Variants in MPHOSPH9 observed in about 807,000 individuals in gnomAD.
The protein encoded by MPHOSPH9 is M-phase phosphoprotein 9.
A neutral mutation model predicts 145.5 loss-of-function variants in MPHOSPH9; 88 were observed. The ratio of observed to expected loss-of-function variants is 0.60; its 90% CI spans 0.51 to 0.72. The LOEUF (loss-of-function observed/expected upper bound fraction) is 0.72, where lower values mean the gene tolerates loss of function less well. Ranked by LOEUF, MPHOSPH9 falls within the 30% of genes least tolerant of loss-of-function variation. The probability of loss-of-function intolerance (pLI) is 0.00; values close to 1 mark genes in which losing one functional copy is unlikely to be tolerated. For synonymous variants in MPHOSPH9, 435 were observed against 486.2 expected (o/e 0.89, Z 1.39); for missense variants, 1,238 against 1,386.6 (o/e 0.89, Z 1.70).
intron 20 of MPHOSPH9, 39 bp downstream of exon 20, chr12:123,162,974 TA>T (rs2044169903): frequency 6.6e-7 from 1 of 1,509,002 alleles, no homozygotes; most frequent in African/African-American, 1.4e-5. Flanking sequence ...AAAAAATCAC[TA>T]ATATAGTAAA....
intron 15 of MPHOSPH9, 140 bp downstream of exon 15, chr12:123,179,786 T>A: frequency 2.3e-6 from 1 of 433,118 alleles, no homozygotes. Context: ...CCTATTTCCA[T>A]GTCAAGGGAA....
At chr12:123,206,118 A>G (rs1236824745) in intron 8 of MPHOSPH9, among the ~76,000 whole-genome samples, 2 of 152,160 alleles carry the variant, frequency 1.3e-5, no homozygotes, top group African/African-American at 4.8e-5. Flanking sequence ...CTAGAGGAAG[A>G]TAACGTGGGA....
Position 123,223,004 on chromosome 12 carries a change from AT to A in MPHOSPH9, c.348+33del, listed in dbSNP as rs768547483. The A allele has an allele frequency of 1.4e-5, 16 of 1,177,480 alleles. No individual in the cohort carries two copies. In the South Asian group the frequency reaches 2.1e-4, roughly 15 times the overall value. The allele number at this position is 1,177,480 out of a possible 1,614,324, so 72.9% of individuals were successfully genotyped here. A position where few individuals can be genotyped will look rare whatever the true frequency, so the allele number is the denominator to read the frequency against. On this transcript the variant is annotated intron_variant, in intron 4 of 23. Transcript: ENST00000606320. ...TGTATATGTACGTATGTATATGTAT[AT>A]AAAAAAAGGAATCAATGTAAATGGT...
intron 1 of MPHOSPH9, among the ~76,000 whole-genome samples, chr12:123,241,162 T>C (rs1225245978): frequency 6.6e-6 from 1 of 151,560 alleles, no homozygotes; most frequent in East Asian, 1.9e-4. Flanking sequence ...GTTTTTGTTT[T>C]TTTTTTAATA....
chr12:123,176,625 T>A (rs2044877212), intron 16 of MPHOSPH9, 63 bp downstream of exon 16: 2 of 1,233,914 alleles, frequency 1.6e-6, no homozygotes, highest in Admixed American at 4.0e-5. Flanking sequence ...CAGATGAGTT[T>A]CTCGTCTTAA....
chr12:123,204,171 G>A (rs554959068), intron 8 of MPHOSPH9, among the ~76,000 whole-genome samples: 3 of 152,100 alleles, frequency 2.0e-5, no homozygotes, highest in South Asian at 2.1e-4. Context: ...GCATGGTGGC[G>A]CATGCCTGTA....
chr12:123,239,406 TTTTG>T (rs1555235616), intron 1 of MPHOSPH9, among the ~76,000 whole-genome samples: 7,887 of 87,746 alleles, frequency 0.09, 351 homozygotes, highest in East Asian at 0.56. Context: ...AGTTTTGTTT[TTTTG>T]TTTGTTTTTT....
At chr12:123,222,974 G>C in intron 4 of MPHOSPH9, 64 bp downstream of exon 4, 1 of 772,212 alleles carries the variant, frequency 1.3e-6, no homozygotes. Context: ...GTGTGTGTGT[G>C]TGTGTGTATA....
intron 1 of MPHOSPH9, among the ~76,000 whole-genome samples, chr12:123,232,650 C>G (rs902232268): frequency 6.6e-6 from 1 of 152,008 alleles, no homozygotes; most frequent in Non-Finnish European, 1.5e-5. Context: ...TGGCGGCTAT[C>G]GGGTCAAAGT....
chr12:123,163,984 AGAT>A lies in MPHOSPH9; in HGVS notation c.2871_2873del (p.Ser958del). On this transcript the variant is annotated inframe_deletion, in exon 19 of 24. Coordinates refer to ENST00000606320, the MANE Select transcript of MPHOSPH9 (RefSeq NM_022782.4). Reference sequence around the variant, plus strand: ...TTGATTTACGATTTGAAGGTGGTAAAGATGATGATCTCTGTGAGGCCGAATTAA... The same window carrying A: ...TTGATTTACGATTTGAAGGTGGTAAAGATGATCTCTGTGAGGCCGAATTAA... The A allele has an allele frequency of 6.2e-7, 1 of 1,614,180 alleles. No individual in the cohort carries two copies. The highest frequency in any genetic ancestry group is 8.5e-7 in the Non-Finnish European group (1 of 1,180,028).
rs2044015402 is a variant in MPHOSPH9, at chr12:123,159,470, G to GA, written c.3450+1310_3450+1311insT. 1.3e-5 allele frequency among the ~76,000 whole-genome samples: 2 copies of GA among 151,416 alleles called. No individual in the cohort carries two copies. The highest frequency in any genetic ancestry group is 1.3e-4 in the Admixed American group (2 of 15,166). On this transcript the variant is annotated intron_variant, in intron 23 of 23. Transcript: ENST00000606320. This position sits in a 1 kb window ranked among gnomAD's most constrained non-coding sequence, Gnocchi z 4.3. The stretch of plus-strand genomic sequence containing the variant: ...AAGCCATTGCGCCTGGCCATGGCAG[G>GA]TTTTTTTTTGTTTTTTTTGTTGTTG...
intron 7 of MPHOSPH9, among the ~76,000 whole-genome samples, chr12:123,210,977 CTTTTTTTTTTTTTTTTTTTTT>C (rs907442708): frequency 1.1e-5 from 1 of 89,786 alleles, no homozygotes; most frequent in African/African-American, 5.7e-5. Flanking sequence ...TTTGTTTTTT[CTTTTTTTTTTTTTTTTTTTTT>C]TTTTGAGACA....
chr12:123,231,484 G>C (rs2047632395), intron 1 of MPHOSPH9, among the ~76,000 whole-genome samples: 1 of 152,098 alleles, frequency 6.6e-6, no homozygotes, highest in South Asian at 2.1e-4. Context: ...AGTACATTTT[G>C]AACTATATAT....
At chr12:123,235,699 TCA>T (rs567638750), upstream of MPHOSPH9, among the ~76,000 whole-genome samples, 40 of 152,000 alleles carry the variant, frequency 2.6e-4, no homozygotes, top group Non-Finnish European at 4.1e-4. Flanking sequence ...AATTAATTGT[TCA>T]CAGTCACAGA....
intron 21 of MPHOSPH9, 112 bp from the exon 22 acceptor site, chr12:123,161,495 C>A: frequency 9.0e-7 from 1 of 1,110,920 alleles, no homozygotes; most frequent in Non-Finnish European, 1.3e-6. Context: ...GCTATGTGGC[C>A]CAAAAAAGTA....
At chr12:123,214,671 T>C (rs1593213546) in intron 7 of MPHOSPH9, 73 bp downstream of exon 7, 1 of 1,194,688 alleles carries the variant, frequency 8.4e-7, no homozygotes, top group Non-Finnish European at 1.2e-6. Flanking sequence ...AAAATAATGC[T>C]CTAAAAATCT....
chr12:123,213,697 G>T (rs1357417418), intron 7 of MPHOSPH9, among the ~76,000 whole-genome samples: 1 of 152,146 alleles, frequency 6.6e-6, no homozygotes, highest in Non-Finnish European at 1.5e-5. Context: ...TAACCCCATT[G>T]TAATTCGAGG....
At chr12:123,235,785 C>T (rs1019288562), upstream of MPHOSPH9, among the ~76,000 whole-genome samples, 2 of 151,642 alleles carry the variant, frequency 1.3e-5, no homozygotes, top group African/African-American at 2.4e-5. Flanking sequence ...GAAAGTTGGC[C>T]GGGCGTGGTG....
intron 3 of MPHOSPH9, among the ~76,000 whole-genome samples, chr12:123,223,706 T>G (rs2047312276): frequency 6.6e-6 from 1 of 152,150 alleles, no homozygotes; most frequent in Admixed American, 6.6e-5. Context: ...AGTTCCTTTC[T>G]TTCTTGTCAT....
Sources: allele counts gnomAD v4.1 joint callset (sites outside exome capture counted in the v4.1 genomes callset), GRCh38; gene constraint gnomAD v4.1.1; non-coding constraint Gnocchi (gnomAD v3.1); transcripts MANE v1.5; gene names NCBI Gene and HGNC (gene_info 2026-07-23, HGNC 2026-07-21).